MLLT3: variants seen among roughly 807,000 people sequenced by gnomAD.
MLLT3 encodes the protein protein AF-9.
In MLLT3, 4 loss-of-function variants were observed where a neutral mutation model predicts 53.2. That is an observed-to-expected ratio of 0.08 (90% CI 0.04 to 0.17). The LOEUF is 0.17. MLLT3 is among the 10% of genes least tolerant of loss of function. MLLT3 has a pLI of 1.00. For missense variants in MLLT3, 569 were observed against 684.0 expected, an observed-to-expected ratio of 0.83 and a Z score of 1.87; for synonymous variants, 283 against 230.6, an observed-to-expected ratio of 1.23 and a Z score of -2.06.
intron 2 of MLLT3, among the ~76,000 whole-genome samples, chr9:20,498,622 G>A (rs1825141710): frequency 6.6e-6 from 1 of 152,126 alleles, no homozygotes; most frequent in African/African-American, 2.4e-5. Context: ...AACATTATGA[G>A]ATTTTTTTGT....
chr9:20,346,787 G>C (rs987814614), intron 10 of MLLT3, among the ~76,000 whole-genome samples: 1 of 152,098 alleles, frequency 6.6e-6, no homozygotes, highest in African/African-American at 2.4e-5. Flanking sequence ...GTGAGAACCT[G>C]TCTTGCTTTT....
chr9:20,518,167 G>A (rs1353281766), intron 2 of MLLT3, among the ~76,000 whole-genome samples: 1 of 152,116 alleles, frequency 6.6e-6, no homozygotes, highest in Non-Finnish European at 1.5e-5. Flanking sequence ...CCAACATGGT[G>A]AAACCTCATA....
chr9:20,391,284 A>C (rs1016745686), intron 5 of MLLT3, among the ~76,000 whole-genome samples: 6 of 152,320 alleles, frequency 3.9e-5, no homozygotes, highest in South Asian at 2.1e-4. Flanking sequence ...AATCCTTGCT[A>C]ATTTCTAGGA....
intron 2 of MLLT3, among the ~76,000 whole-genome samples, chr9:20,584,948 A>G (rs2131178607): frequency 6.6e-6 from 1 of 152,344 alleles, no homozygotes; most frequent in East Asian, 1.9e-4. Context: ...TTGGGCAGTT[A>G]TAAATAAAGC....
intron 2 of MLLT3, among the ~76,000 whole-genome samples, chr9:20,544,198 T>C (rs952056600): frequency 3.9e-5 from 6 of 152,194 alleles, no homozygotes; most frequent in Admixed American, 2.0e-4. Flanking sequence ...TAACACTTTA[T>C]AAAACTCCTA....
chr9:20,436,672 C>G (rs1270871648), intron 4 of MLLT3, among the ~76,000 whole-genome samples: 1 of 152,002 alleles, frequency 6.6e-6, no homozygotes, highest in Admixed American at 6.6e-5. Flanking sequence ...GAACAAAAAC[C>G]CTGACTCAGC....
At chr9:20,527,092 C>A (rs897668337) in intron 2 of MLLT3, among the ~76,000 whole-genome samples, 4 of 151,944 alleles carry the variant, frequency 2.6e-5, no homozygotes, top group Non-Finnish European at 5.9e-5. Context: ...AGGGAAAAGA[C>A]AAAGAACAGT....
chr9:20,603,561 G>A (rs751185847), intron 2 of MLLT3, among the ~76,000 whole-genome samples: 11 of 151,972 alleles, frequency 7.2e-5, no homozygotes, highest in Non-Finnish European at 1.0e-4. Context: ...ATTTTGGCAC[G>A]TTTGAAGTAA....
At chr9:20,463,938 G>T (rs763165047) in intron 2 of MLLT3, among the ~76,000 whole-genome samples, 2 of 151,968 alleles carry the variant, frequency 1.3e-5, no homozygotes, top group Non-Finnish European at 2.9e-5. Flanking sequence ...TTTCATTTCA[G>T]TGTGTACTAC....
chr9:20,533,276 T>G (rs1022956769), intron 2 of MLLT3: 1 of 324,426 alleles, frequency 3.1e-6, no homozygotes, highest in African/African-American at 2.1e-5. Flanking sequence ...GTCCCTAGAC[T>G]GTGGCTCACA....
At chr9:20,541,896 C>A (rs892274344) in intron 2 of MLLT3, among the ~76,000 whole-genome samples, 1 of 152,152 alleles carries the variant, frequency 6.6e-6, no homozygotes, top group African/African-American at 2.4e-5. Context: ...AAGTCTTCAA[C>A]CCCTCAAAGT....
At chr9:20,612,906 C>T (rs145853500) in intron 2 of MLLT3, among the ~76,000 whole-genome samples, 4 of 152,264 alleles carry the variant, frequency 2.6e-5, no homozygotes, top group South Asian at 4.1e-4. Context: ...TGAAGACACA[C>T]GTGCCCACAA....
chr9:20,481,501 G>C (rs1428759315), intron 2 of MLLT3, among the ~76,000 whole-genome samples: 1 of 152,116 alleles, frequency 6.6e-6, no homozygotes, highest in Non-Finnish European at 1.5e-5. Flanking sequence ...CTTGACTTGA[G>C]CATCTGTGGA....
At chr9:20,478,233 T>C (rs1469879502) in intron 2 of MLLT3, among the ~76,000 whole-genome samples, 1 of 152,162 alleles carries the variant, frequency 6.6e-6, no homozygotes, top group Non-Finnish European at 1.5e-5. Context: ...TTCTCAGATA[T>C]GTTAATTGAA....
intron 2 of MLLT3, among the ~76,000 whole-genome samples, chr9:20,606,038 A>G (rs935758280): frequency 6.6e-6 from 1 of 152,198 alleles, no homozygotes; most frequent in Non-Finnish European, 1.5e-5. Context: ...GACTTAAACC[A>G]TACTTCTTCA....
chr9:20,432,648 A>C (rs1823302156), intron 4 of MLLT3, among the ~76,000 whole-genome samples: 2 of 145,756 alleles, frequency 1.4e-5, no homozygotes, highest in African/African-American at 5.6e-5. Context: ...GGCTGGAAAA[A>C]AAATCGCTTT....
chr9:20,571,545 C>T (rs973200117), intron 2 of MLLT3, among the ~76,000 whole-genome samples: 13 of 152,132 alleles, frequency 8.5e-5, no homozygotes, highest in African/African-American at 2.7e-4. Flanking sequence ...CACCCATCAA[C>T]CCATCTTCTA....
At chr9:20,471,408 C>T (rs1436131817) in intron 2 of MLLT3, among the ~76,000 whole-genome samples, 2 of 151,910 alleles carry the variant, frequency 1.3e-5, no homozygotes, top group Non-Finnish European at 2.9e-5. Context: ...CTAGGTCTTC[C>T]ACCTATGCGT....
intron 2 of MLLT3, among the ~76,000 whole-genome samples, chr9:20,606,102 G>C (rs1004399867): frequency 6.6e-6 from 1 of 152,000 alleles, no homozygotes; most frequent in Non-Finnish European, 1.5e-5. Context: ...ATTCAATAAC[G>C]TAAAACTATC....
Sources: allele counts gnomAD v4.1 joint callset (sites outside exome capture counted in the v4.1 genomes callset), GRCh38; gene constraint gnomAD v4.1.1; transcripts MANE v1.5; gene names NCBI Gene and HGNC (gene_info 2026-07-23, HGNC 2026-07-21).